LRP1B: variants seen among roughly 807,000 people sequenced by gnomAD.
LRP1B encodes the protein LDL receptor related protein 1B, also known as low-density lipoprotein receptor-related protein 1B.
Under a neutral mutation model 556.6 loss-of-function variants are expected in LRP1B, and 217 were observed. That is an observed-to-expected ratio of 0.39 (90% CI 0.35 to 0.44). LRP1B has a LOEUF of 0.44. Ranked by LOEUF, LRP1B falls within the 20% of genes least tolerant of loss-of-function variation. The probability of loss-of-function intolerance (pLI) is 1.00; values close to 1 mark genes in which losing one functional copy is unlikely to be tolerated. For missense variants in LRP1B, 5,053 were observed against 5,620.8 expected, an observed-to-expected ratio of 0.90 and a Z score of 3.23; for synonymous variants, 2,047 against 1,865.8, an observed-to-expected ratio of 1.10 and a Z score of -2.50.
rs7565115 is a variant in LRP1B, at chr2:140,623,956, G to A, written c.6800-22317C>T. Among the ~76,000 whole-genome samples, 840 of 106,160 alleles carry A rather than the reference G, an allele frequency of 7.9e-3. 1 individual carries two copies. The highest frequency in any genetic ancestry group is 0.02 in the South Asian group (54 of 2,686). 69.6% of individuals were successfully genotyped at this position (106,160 alleles called of 152,430 possible). On this transcript the variant is annotated intron_variant, in intron 41 of 90. Transcript: ENST00000389484. The stretch of plus-strand genomic sequence containing the variant: ...AAAATATATATTATATTTTATTTAT[G>A]TATATATATATATATATAGCTTAGT...
intron 1 of LRP1B, among the ~76,000 whole-genome samples, chr2:142,042,120 A>G (rs1483039086): frequency 6.6e-6 from 1 of 151,422 alleles, no homozygotes; most frequent in African/African-American, 2.4e-5. Flanking sequence ...GCTGTAAGCT[A>G]GCCATACGAA....
At chr2:141,514,509 T>C (rs1684243321) in intron 2 of LRP1B, among the ~76,000 whole-genome samples, 1 of 152,180 alleles carries the variant, frequency 6.6e-6, no homozygotes, top group African/African-American at 2.4e-5. Context: ...TAACTTCTTC[T>C]TATATCAGGG....
At chr2:140,564,824 T>C (rs1241341658) in intron 43 of LRP1B, among the ~76,000 whole-genome samples, 1 of 152,128 alleles carries the variant, frequency 6.6e-6, no homozygotes, top group Non-Finnish European at 1.5e-5. Flanking sequence ...GTTATAAAAG[T>C]ATTTCAAATT....
At chr2:141,749,663 G>C (rs1248584706) in intron 2 of LRP1B, among the ~76,000 whole-genome samples, 1 of 152,050 alleles carries the variant, frequency 6.6e-6, no homozygotes, top group Non-Finnish European at 1.5e-5. Context: ...TTAGGTAAGG[G>C]GAGAAGGCAT....
At chr2:140,752,368 G>A (rs1354028620) in intron 35 of LRP1B, among the ~76,000 whole-genome samples, 5 of 34,238 alleles carry the variant, frequency 1.5e-4, no homozygotes, top group African/African-American at 2.7e-4. Flanking sequence ...CTGTCGCCCA[G>A]GTTTGGAGTG....
intron 3 of LRP1B, among the ~76,000 whole-genome samples, chr2:141,331,514 C>CCTTCT: frequency 1.6e-5 from 1 of 63,092 alleles, no homozygotes; most frequent in African/African-American, 8.4e-5. Flanking sequence ...TTCTTTCTTT[C>CCTTCT]TTTCTTTCTC....
chr2:141,406,797 C>T (rs1012532206), intron 3 of LRP1B, among the ~76,000 whole-genome samples: 3 of 152,028 alleles, frequency 2.0e-5, no homozygotes, highest in Admixed American at 6.6e-5. Flanking sequence ...TTATAAGTAA[C>T]CCTGGTAAAT....
chr2:141,314,036 G>GA (rs570522576), intron 3 of LRP1B, among the ~76,000 whole-genome samples: 128 of 151,894 alleles, frequency 8.4e-4, no homozygotes, highest in Admixed American at 2.4e-3. Context: ...GCGGGCATTA[G>GA]AAAAAAACAC....
chr2:140,839,859 A>G, intron 31 of LRP1B, 132 bp downstream of exon 31: 1 of 651,452 alleles, frequency 1.5e-6, no homozygotes, highest in East Asian at 2.8e-5. Flanking sequence ...ATTCAATGAA[A>G]TTGGTCAGTT....
intron 2 of LRP1B, among the ~76,000 whole-genome samples, chr2:141,799,766 A>T (rs7568149): frequency 0.24 from 35,821 of 151,726 alleles, 4,438 homozygotes; most frequent in East Asian, 0.39. Context: ...AAATCCAGAA[A>T]CTTCACTGTT....
chr2:141,957,401 G>T (rs1701285608), intron 1 of LRP1B, among the ~76,000 whole-genome samples: 1 of 109,986 alleles, frequency 9.1e-6, no homozygotes, highest in Admixed American at 1.1e-4. Flanking sequence ...GGGGGGCGGG[G>T]GGGTGTACAC....
intron 25 of LRP1B, among the ~76,000 whole-genome samples, chr2:140,879,878 C>T (rs1441029210): frequency 6.7e-6 from 1 of 150,106 alleles, no homozygotes; most frequent in African/African-American, 2.5e-5. Flanking sequence ...CAACTTGTAG[C>T]ATTATAGGCA....
At chr2:140,598,422 C>G (rs906204352) in intron 43 of LRP1B, among the ~76,000 whole-genome samples, 1 of 152,082 alleles carries the variant, frequency 6.6e-6, no homozygotes, top group African/African-American at 2.4e-5. Context: ...TGAGCTGTCT[C>G]TATGGTAGCA....
At chr2:141,054,581 CGTT>C (rs1699126429) in intron 10 of LRP1B, among the ~76,000 whole-genome samples, 1 of 140,742 alleles carries the variant, frequency 7.1e-6, no homozygotes, top group South Asian at 2.6e-4. Context: ...TTGATAAAAT[CGTT>C]AAAACTTTTT....
intron 7 of LRP1B, among the ~76,000 whole-genome samples, chr2:141,115,830 G>A (rs952850747): frequency 2.0e-5 from 3 of 151,988 alleles, no homozygotes; most frequent in Non-Finnish European, 4.4e-5. Flanking sequence ...GAAGGCTTAT[G>A]AGCCAGAAAA....
chr2:140,882,945 T>C (rs1025421164), intron 25 of LRP1B, among the ~76,000 whole-genome samples: 1 of 152,208 alleles, frequency 6.6e-6, no homozygotes, highest in African/African-American at 2.4e-5. Flanking sequence ...CAATGACCTT[T>C]GATTTACAAA....
At chr2:140,595,104 A>ATCTATC (rs1180656878) in intron 43 of LRP1B, among the ~76,000 whole-genome samples, 6 of 57,138 alleles carry the variant, frequency 1.1e-4, no homozygotes, top group African/African-American at 2.0e-4. Flanking sequence ...ATATATATAT[A>ATCTATC]TATATATATA....
intron 41 of LRP1B, among the ~76,000 whole-genome samples, chr2:140,606,356 T>C (rs1213639600): frequency 6.6e-6 from 1 of 151,946 alleles, no homozygotes; most frequent in Non-Finnish European, 1.5e-5. Flanking sequence ...CAGCACATCA[T>C]TGAAAGAAGC....
intron 86 of LRP1B, chr2:140,269,226 A>T (rs778076505): frequency 4.3e-6 from 2 of 468,586 alleles, no homozygotes; most frequent in South Asian, 3.1e-5. Context: ...GCCTGAAATG[A>T]TGTCACACGA....
Sources: allele counts gnomAD v4.1 joint callset (sites outside exome capture counted in the v4.1 genomes callset), GRCh38; gene constraint gnomAD v4.1.1; transcripts MANE v1.5; gene names NCBI Gene and HGNC (gene_info 2026-07-23, HGNC 2026-07-21).